The following FHIT variants were observed in gnomAD, a reference collection of about 807,000 sequenced individuals.
FHIT encodes the protein bis(5'-adenosyl)-triphosphatase.
A neutral mutation model predicts 17.9 loss-of-function variants in FHIT; 19 were observed. The ratio of observed to expected loss-of-function variants is 1.06; its 90% CI spans 0.74 to 1.56. FHIT has a LOEUF of 1.56. Among genes scored for constraint, FHIT ranks in the 40% most tolerant of loss-of-function variants. FHIT has a pLI of 0.00. For missense variants in FHIT, 248 were observed against 189.2 expected (o/e 1.31, Z -1.82); for synonymous variants, 81 against 69.7 (o/e 1.16, Z -0.81).
rs921201798 is a variant in FHIT, at chr3:60,021,487, T to C, written c.104-7335A>G. Among the ~76,000 whole-genome samples the C allele has an allele frequency of 1.8e-4, 27 of 152,160 alleles. 1 individual carries two copies. Among genetic ancestry groups the C allele is most frequent in the Admixed American group, 1.8e-3 (27 of 15,270 alleles). ...TCAATGCAAAGTAATCTTATACTGA[T>C]TGAGGGAAGAGCATCATATCTGGAA... On this transcript the variant is annotated intron_variant, in intron 5 of 9. Transcript: ENST00000492590.
intron 8 of FHIT, among the ~76,000 whole-genome samples, chr3:59,851,941 T>A (rs1701956613): frequency 6.6e-6 from 1 of 152,204 alleles, no homozygotes; most frequent in Non-Finnish European, 1.5e-5. Flanking sequence ...TAGAACTGAT[T>A]GTAATTTACC....
intron 5 of FHIT, among the ~76,000 whole-genome samples, chr3:60,451,995 T>C (rs1001870740): frequency 4.6e-5 from 7 of 152,156 alleles, no homozygotes; most frequent in Admixed American, 1.3e-4. Context: ...CTAACTCCAA[T>C]TGATGTCTCA....
At position 59,804,736 on chromosome 3, in the gene FHIT, C is replaced by A. The variant is rs139351782; in HGVS notation, c.349-52415G>T. Among the ~76,000 whole-genome samples, 56 of 152,334 alleles carry A rather than the reference C, an allele frequency of 3.7e-4. 1 individual carries two copies. The highest frequency in any genetic ancestry group is 1.1e-3 in the African/African-American group (47 of 41,578). On this transcript the variant is annotated intron_variant, in intron 8 of 9. Coordinates refer to ENST00000492590, the MANE Select transcript of FHIT (RefSeq NM_002012.4). ...GAATCAGCCTTATGTTCCCTGCCTG[C>A]AGACCCTATTTTCCTGTCTCACTGC...
intron 4 of FHIT, among the ~76,000 whole-genome samples, chr3:60,644,223 C>T (rs2039797344): frequency 6.6e-6 from 1 of 152,168 alleles, no homozygotes; most frequent in African/African-American, 2.4e-5. Flanking sequence ...AACATGCTTT[C>T]CTGCTACTGA....
intron 5 of FHIT, among the ~76,000 whole-genome samples, chr3:60,412,247 C>A (rs1174342230): frequency 6.6e-6 from 1 of 151,916 alleles, no homozygotes; most frequent in East Asian, 1.9e-4. Flanking sequence ...AAAACAAAGG[C>A]AGTATATTTT....
At chr3:60,323,561 A>T (rs964859434) in intron 5 of FHIT, among the ~76,000 whole-genome samples, 8 of 152,052 alleles carry the variant, frequency 5.3e-5, no homozygotes, top group Non-Finnish European at 1.0e-4. Context: ...AGGTTTCCAG[A>T]CTCCACAGGG....
intron 2 of FHIT, among the ~76,000 whole-genome samples, chr3:61,113,299 C>G (rs2036212609): frequency 6.6e-6 from 1 of 152,126 alleles, no homozygotes; most frequent in South Asian, 2.1e-4. Context: ...TATGAGCCAC[C>G]ATGTCTGGCA....
chr3:60,903,681 C>T (rs1170093727), intron 3 of FHIT, among the ~76,000 whole-genome samples: 1 of 152,164 alleles, frequency 6.6e-6, no homozygotes, highest in Admixed American at 6.5e-5. Flanking sequence ...AATGAAGTTG[C>T]ACTATATCTC....
At chr3:60,773,372 A>C (rs1465807778) in intron 4 of FHIT, among the ~76,000 whole-genome samples, 1 of 152,154 alleles carries the variant, frequency 6.6e-6, no homozygotes, top group Non-Finnish European at 1.5e-5. Flanking sequence ...CTTCATCTCC[A>C]TAATCATATG....
At chr3:61,175,688 GC>G (rs75724281) in intron 2 of FHIT, among the ~76,000 whole-genome samples, 6,924 of 152,064 alleles carry the variant, frequency 0.046, 509 homozygotes, top group East Asian at 0.27. Flanking sequence ...GTACTCTCTT[GC>G]CCATGTGTCC....
At chr3:59,862,855 G>A (rs1362006961) in intron 8 of FHIT, among the ~76,000 whole-genome samples, 1 of 148,384 alleles carries the variant, frequency 6.7e-6, no homozygotes, top group Non-Finnish European at 1.5e-5. Context: ...AGGAGCCTGG[G>A]TACTTACTCA....
At chr3:59,874,389 C>G (rs868271711) in intron 8 of FHIT, among the ~76,000 whole-genome samples, 3 of 152,206 alleles carry the variant, frequency 2.0e-5, no homozygotes, top group Non-Finnish European at 4.4e-5. Flanking sequence ...TCAAGCTTTA[C>G]TGTTTCAGAA....
At chr3:60,759,086 A>T (rs1439794509) in intron 4 of FHIT, among the ~76,000 whole-genome samples, 11 of 152,030 alleles carry the variant, frequency 7.2e-5, no homozygotes, top group African/African-American at 2.7e-4. Flanking sequence ...GTAGCAGAGG[A>T]AGTAAGGAGG....
chr3:60,525,762 C>G (rs1027689575), intron 5 of FHIT, among the ~76,000 whole-genome samples: 1 of 152,154 alleles, frequency 6.6e-6, no homozygotes, highest in East Asian at 1.9e-4. Flanking sequence ...TGAGGCTAAG[C>G]TATGCTAGCG....
intron 2 of FHIT, among the ~76,000 whole-genome samples, chr3:61,131,388 G>T (rs1158161807): frequency 5.3e-5 from 8 of 152,196 alleles, no homozygotes; most frequent in African/African-American, 1.2e-4. Context: ...AGGTGGATGG[G>T]CTAGCATCCA....
At chr3:61,059,920 C>G (rs2034365108) in intron 2 of FHIT, among the ~76,000 whole-genome samples, 2 of 152,152 alleles carry the variant, frequency 1.3e-5, no homozygotes, top group Non-Finnish European at 2.9e-5. Context: ...CAAGTTTTCT[C>G]CCACATCCCA....
chr3:60,100,455 G>GC (rs1316480829), intron 5 of FHIT, among the ~76,000 whole-genome samples: 1 of 152,078 alleles, frequency 6.6e-6, no homozygotes, highest in East Asian at 1.9e-4. Context: ...AAAATCACTT[G>GC]CTTTGACTCT....
At chr3:59,984,016 G>C (rs1311898203) in intron 7 of FHIT, among the ~76,000 whole-genome samples, 1 of 152,054 alleles carries the variant, frequency 6.6e-6, no homozygotes, top group Non-Finnish European at 1.5e-5. Flanking sequence ...ATTCCTAGAA[G>C]ATCAATGTTA....
At chr3:61,029,603 T>C (rs17064324) in intron 3 of FHIT, among the ~76,000 whole-genome samples, 2,430 of 152,268 alleles carry the variant, frequency 0.016, 32 homozygotes, top group Middle Eastern at 0.037. Flanking sequence ...CAAACTGTCA[T>C]ACAAAAAAAC....
Sources: allele counts gnomAD v4.1 joint callset (sites outside exome capture counted in the v4.1 genomes callset), GRCh38; gene constraint gnomAD v4.1.1; transcripts MANE v1.5; gene names NCBI Gene and HGNC (gene_info 2026-07-23, HGNC 2026-07-21).